COMT: variants seen among roughly 807,000 people sequenced by gnomAD.
The protein encoded by COMT is catechol-O-methyltransferase, also known as catechol O-methyltransferase.
COMT carries 13 observed loss-of-function variants against 18.9 expected under a neutral mutation model. The observed-to-expected ratio is 0.69, with a 90% CI of 0.45 to 1.09. COMT has a LOEUF of 1.09. COMT is among the 50% of genes least tolerant of loss of function. The pLI is 0.00. For missense variants in COMT, 329 were observed against 361.8 expected (o/e 0.91, Z 0.73); for synonymous variants, 150 against 160.9 (o/e 0.93, Z 0.51).
chr22:19,953,845 A>G (rs1327435294), intron 1 of COMT, among the ~76,000 whole-genome samples: 1 of 152,006 alleles, frequency 6.6e-6, no homozygotes, highest in African/African-American at 2.4e-5. Flanking sequence ...CTGCCACATG[A>G]GCAGGTTGAC....
chr22:19,951,290 C>T (rs992179549), intron 1 of COMT, among the ~76,000 whole-genome samples: 2 of 135,882 alleles, frequency 1.5e-5, no homozygotes, highest in African/African-American at 5.5e-5. Context: ...ACCCGGGGGA[C>T]GGAGCTTGCA....
At chr22:19,956,694 T>C (rs1262582686) in intron 1 of COMT, among the ~76,000 whole-genome samples, 1 of 151,906 alleles carries the variant, frequency 6.6e-6, no homozygotes. Context: ...AGTTATCTTT[T>C]ACGGATTTTT....
rs187362455 is a variant in COMT, at chr22:19,959,771, T to C, written c.-91-1428T>C. 3.2e-3 allele frequency among the ~76,000 whole-genome samples: 493 copies of C among 151,728 alleles called. 3 individuals are homozygous for C. Among genetic ancestry groups the C allele is most frequent in the African/African-American group, 0.011 (464 of 41,138 alleles). On this transcript the variant is annotated intron_variant, in intron 1 of 5. Coordinates refer to ENST00000361682, the MANE Select transcript of COMT (RefSeq NM_000754.4). The stretch of plus-strand genomic sequence containing the variant: ...ATTGTGGCCTGGGCGTGTTGGCCTT[T>C]GAGCCTTTGGCCTTGAGCACTTCCC...
intron 1 of COMT, among the ~76,000 whole-genome samples, chr22:19,948,197 G>A (rs1008779967): frequency 2.6e-5 from 4 of 151,942 alleles, no homozygotes; most frequent in African/African-American, 7.3e-5. Flanking sequence ...GGAACAGCTC[G>A]TGCCCTCGGT....
At chr22:19,967,227 C>A (rs1273394813) in intron 5 of COMT, 38 of 1,303,732 alleles carry the variant, frequency 2.9e-5, no homozygotes, top group Non-Finnish European at 3.7e-5. Context: ...CCAGATTGGG[C>A]TCCTGAGTCC....
intron 1 of COMT, among the ~76,000 whole-genome samples, chr22:19,945,126 C>T (rs896779217): frequency 6.6e-6 from 1 of 152,118 alleles, no homozygotes; most frequent in Non-Finnish European, 1.5e-5. Flanking sequence ...TAAAGCCTTT[C>T]GAGGTTAGGA....
At position 19,963,666 on chromosome 22, in the gene COMT, GTCACCAGGGGCGAGGCTCA is replaced by G. The variant is rs745493295; in HGVS notation, c.397_415del (p.Gly133SerfsTer20). 6.2e-7 allele frequency: 1 copy of G among 1,613,000 alleles called. No individual in the cohort carries two copies. Among genetic ancestry groups the G allele is most frequent in the Non-Finnish European group, 8.5e-7 (1 of 1,180,012 alleles). On this transcript the variant is annotated frameshift_variant, in exon 4 of 6. Coordinates refer to ENST00000361682, the MANE Select transcript of COMT (RefSeq NM_000754.4). LOFTEE classifies it high-confidence loss of function. ...CAGCTGTGCGCATGGCCCGCCTGCTGTCACCAGGGGCGAGGCTCATCACCATCGAGATCAACCCCGACTG... is the reference window on the plus strand; with the variant it reads ...CAGCTGTGCGCATGGCCCGCCTGCTGTCACCATCGAGATCAACCCCGACTG...
chr22:19,962,095 A>G (rs949418008), intron 2 of COMT: 2 of 290,070 alleles, frequency 6.9e-6, no homozygotes, highest in African/African-American at 2.2e-5. Flanking sequence ...GGGCTGCACC[A>G]TACAGCCTCT....
chr22:19,963,668 C>T lies in COMT; in HGVS notation c.392C>T (p.Ser131Leu). 6.2e-7 allele frequency: 1 copy of T among 1,612,896 alleles called. No individual in the cohort carries two copies. Among genetic ancestry groups the T allele is most frequent in the East Asian group, 2.2e-5 (1 of 44,884 alleles). Reference sequence around the variant, plus strand: ...GCTGTGCGCATGGCCCGCCTGCTGTCACCAGGGGCGAGGCTCATCACCATC... The same window carrying T: ...GCTGTGCGCATGGCCCGCCTGCTGTTACCAGGGGCGAGGCTCATCACCATC... ...YSAVRMARLLSPGARLITIEI... is the reference protein window; with the variant it reads ...YSAVRMARLLLPGARLITIEI... Residue 131 changes from serine (S) to leucine (L), a missense_variant, in exon 4 of 6, where the codon TCA becomes TTA. Ser to Leu is a moderately radical substitution (Grantham distance 145). Transcript: ENST00000361682.
At chr22:19,967,835 A>G (rs987181631) in intron 5 of COMT, 2 of 207,736 alleles carry the variant, frequency 9.6e-6, no homozygotes, top group Admixed American at 5.3e-5. Flanking sequence ...ATGTAAGCAA[A>G]CCCTTTTCTG....
intron 5 of COMT, 86 bp downstream of exon 5, chr22:19,964,385 T>C: frequency 6.3e-7 from 1 of 1,584,294 alleles, no homozygotes; most frequent in Admixed American, 1.7e-5. Context: ...AGCCAGGCAT[T>C]CCAGTAGAGC....
intron 1 of COMT, among the ~76,000 whole-genome samples, chr22:19,942,938 C>T (rs572081071): frequency 6.6e-6 from 1 of 152,352 alleles, no homozygotes; most frequent in African/African-American, 2.4e-5. Flanking sequence ...CAACCTCCCA[C>T]AGAGACTGGG....
intron 1 of COMT, among the ~76,000 whole-genome samples, chr22:19,950,250 T>TC (rs1569126186): frequency 1.5e-5 from 2 of 135,572 alleles, no homozygotes; most frequent in Non-Finnish European, 3.3e-5. Context: ...TCTTTTTTTT[T>TC]TTTTTTTTTT....
chr22:19,952,675 G>T (rs576583314), intron 1 of COMT, among the ~76,000 whole-genome samples: 1 of 136,924 alleles, frequency 7.3e-6, no homozygotes, highest in Non-Finnish European at 1.6e-5. Flanking sequence ...AAAAACAGCC[G>T]AGCGCAGTGG....
intron 1 of COMT, among the ~76,000 whole-genome samples, chr22:19,956,093 A>G (rs1195516117): frequency 6.6e-6 from 1 of 151,886 alleles, no homozygotes; most frequent in Non-Finnish European, 1.5e-5. Context: ...CAAAGAGAAC[A>G]AAGTCAGTTT....
chr22:19,957,354 G>A (rs531567269), intron 1 of COMT, among the ~76,000 whole-genome samples: 23 of 152,248 alleles, frequency 1.5e-4, no homozygotes, highest in African/African-American at 5.5e-4. Context: ...CAAGGCTGCA[G>A]CTGCAGTGAG....
intron 1 of COMT, among the ~76,000 whole-genome samples, chr22:19,955,885 G>C (rs999887485): frequency 5.9e-5 from 9 of 152,208 alleles, no homozygotes; most frequent in African/African-American, 9.7e-5. Flanking sequence ...CCATTTCAGA[G>C]CACAACCTGA....
At chr22:19,961,472 G>A (rs1315179764) in intron 2 of COMT, among the ~76,000 whole-genome samples, 183 bp downstream of exon 2, 1 of 152,186 alleles carries the variant, frequency 6.6e-6, no homozygotes, top group Admixed American at 6.5e-5. Context: ...CTGCTTCCCT[G>A]TTCTCTTCTG....
intron 1 of COMT, among the ~76,000 whole-genome samples, chr22:19,952,768 T>C (rs1223050615): frequency 2.0e-5 from 3 of 151,370 alleles, no homozygotes; most frequent in African/African-American, 7.3e-5. Flanking sequence ...CTGACCAACA[T>C]GGTGAAACCT....
Sources: gnomAD v4.1 joint callset for allele counts (sites outside exome capture counted in the v4.1 genomes callset) on GRCh38, gnomAD v4.1.1 for gene constraint, MANE v1.5 for transcripts, NCBI Gene and HGNC (gene_info 2026-07-23, HGNC 2026-07-21) for gene names.